Variants in LMTK2 observed in about 807,000 individuals in gnomAD.
LMTK2 encodes the protein serine/threonine-protein kinase LMTK2.
In LMTK2, 37 loss-of-function variants were observed where a neutral mutation model predicts 127.5. The ratio of observed to expected loss-of-function variants is 0.29; its 90% CI spans 0.22 to 0.38. The LOEUF (loss-of-function observed/expected upper bound fraction) is 0.38, where lower values mean the gene tolerates loss of function less well. Ranked by LOEUF, LMTK2 falls within the 10% of genes least tolerant of loss-of-function variation. The pLI is 1.00. For synonymous variants in LMTK2, 819 were observed against 810.1 expected (o/e 1.01, Z -0.19); for missense variants, 1,694 against 1,920.3 (o/e 0.88, Z 2.20).
At chr7:98,199,164 A>G (rs1486733669) in intron 11 of LMTK2, among the ~76,000 whole-genome samples, 1 of 152,138 alleles carries the variant, frequency 6.6e-6, no homozygotes, top group Non-Finnish European at 1.5e-5. Context: ...TATTCCATGT[A>G]TACCTGAAAG....
At chr7:98,108,101 A>G (rs1796144724) in intron 1 of LMTK2, among the ~76,000 whole-genome samples, 1 of 152,212 alleles carries the variant, frequency 6.6e-6, no homozygotes, top group South Asian at 2.1e-4. Flanking sequence ...TGAAATGGGG[A>G]AAGATTGAAA....
Position 98,193,417 on chromosome 7 carries a change from A to G in LMTK2, c.2952A>G (p.Ser984=), listed in dbSNP as rs1457630239. Residue 984 remains serine, a synonymous_variant, in exon 11 of 14, where the codon TCA becomes TCG. Transcript: ENST00000297293. This position sits in a 1 kb window ranked among gnomAD's most constrained non-coding sequence, Gnocchi z 4.1. ...ACAGCCTCCTGGAGGACAGCTTGTC[A>G]GCACCCTTCCCAGCCTCTGAGCCGT... ...SQDSLLEDSL[S]APFPASEPSL... is the part of the protein sequence containing the mutation. The G allele has an allele frequency of 6.2e-7, 1 of 1,614,022 alleles. No individual in the cohort carries two copies. Among genetic ancestry groups the G allele is most frequent in the African/African-American group, 1.3e-5 (1 of 74,912 alleles).
chr7:98,185,397 G>T (rs879892005), intron 8 of LMTK2, among the ~76,000 whole-genome samples: 5 of 151,990 alleles, frequency 3.3e-5, no homozygotes, highest in African/African-American at 1.2e-4. Flanking sequence ...GTAGTCTGAT[G>T]GTGCATAATA....
intron 3 of LMTK2, among the ~76,000 whole-genome samples, chr7:98,147,190 AG>A (rs1183503902): frequency 6.7e-6 from 1 of 149,296 alleles, no homozygotes; most frequent in Non-Finnish European, 1.5e-5. Context: ...GGTTTTCTAC[AG>A]TTTGTGTCTC....
At chr7:98,181,536 A>G (rs1797355372) in intron 7 of LMTK2, among the ~76,000 whole-genome samples, 1 of 152,252 alleles carries the variant, frequency 6.6e-6, no homozygotes, top group Non-Finnish European at 1.5e-5. Context: ...CTGATTTTAA[A>G]ACTTACTACA....
intron 6 of LMTK2, among the ~76,000 whole-genome samples, chr7:98,164,789 C>T (rs986841666): frequency 1.4e-4 from 22 of 152,074 alleles, no homozygotes; most frequent in African/African-American, 5.3e-4. Context: ...GACCAGGCTG[C>T]CAGCCGGGAG....
chr7:98,128,232 T>C (rs1241311199), intron 1 of LMTK2, among the ~76,000 whole-genome samples: 2 of 152,222 alleles, frequency 1.3e-5, no homozygotes, highest in Admixed American at 6.5e-5. Context: ...TACCCCTCCA[T>C]GTACCTCAAA....
intron 11 of LMTK2, among the ~76,000 whole-genome samples, chr7:98,201,262 C>G (rs1797700397): frequency 6.6e-6 from 1 of 152,132 alleles, no homozygotes; most frequent in South Asian, 2.1e-4. Context: ...TCATTCTTCT[C>G]CTAGAAGTAC....
At chr7:98,142,594 T>C (rs1356864387) in intron 3 of LMTK2, among the ~76,000 whole-genome samples, 1 of 152,218 alleles carries the variant, frequency 6.6e-6, no homozygotes, top group African/African-American at 2.4e-5. Flanking sequence ...TCCTTTATAC[T>C]TAAGAAAAAC....
At chr7:98,108,611 G>T (rs1188874280) in intron 1 of LMTK2, among the ~76,000 whole-genome samples, 1 of 152,158 alleles carries the variant, frequency 6.6e-6, no homozygotes, top group East Asian at 1.9e-4. Context: ...GTTATCAGAT[G>T]TGTATAGGCA....
At chr7:98,182,815 C>G (rs940117735) in intron 7 of LMTK2, among the ~76,000 whole-genome samples, 1 of 152,168 alleles carries the variant, frequency 6.6e-6, no homozygotes, top group African/African-American at 2.4e-5. Context: ...TTCACAATAG[C>G]TGAAATATGG....
At chr7:98,121,929 T>C (rs1452442960) in intron 1 of LMTK2, among the ~76,000 whole-genome samples, 1 of 151,906 alleles carries the variant, frequency 6.6e-6, no homozygotes, top group African/African-American at 2.4e-5. Context: ...CACTTGAGCC[T>C]GAGAGGTCTA....
chr7:98,184,856 T>G (rs963194616), intron 7 of LMTK2, among the ~76,000 whole-genome samples, 195 bp from the exon 8 acceptor site: 2 of 152,246 alleles, frequency 1.3e-5, no homozygotes, highest in Non-Finnish European at 2.9e-5. Flanking sequence ...AGTGTGATCA[T>G]CTTTATTATT....
At chr7:98,116,075 C>T (rs780321570) in intron 1 of LMTK2, among the ~76,000 whole-genome samples, 9 of 151,972 alleles carry the variant, frequency 5.9e-5, no homozygotes, top group Non-Finnish European at 1.2e-4. Context: ...TAGAGATGGT[C>T]TACAAAAGTA....
intron 5 of LMTK2, among the ~76,000 whole-genome samples, chr7:98,158,655 C>T (rs1385133604): frequency 6.6e-6 from 1 of 151,996 alleles, no homozygotes; most frequent in African/African-American, 2.4e-5. Context: ...TTTTACATAG[C>T]ATTTACATCG....
Position 98,193,604 on chromosome 7 carries a change from G to A in LMTK2, c.3139G>A (p.Ala1047Thr), listed in dbSNP as rs371543061. Reference protein sequence around the residue: ...LESPEWTLHPAPEGTADSEPA... With the variant: ...LESPEWTLHPTPEGTADSEPA... ...GTCTCCCGAGTGGACCTTGCATCCCGCTCCCGAGGGCACCGCAGACTCAGA... is the reference window on the plus strand; with the variant it reads ...GTCTCCCGAGTGGACCTTGCATCCCACTCCCGAGGGCACCGCAGACTCAGA... Residue 1047 changes from alanine (A) to threonine (T), a missense_variant, in exon 11 of 14, where the codon GCT becomes ACT. By Grantham distance (58) the Ala-to-Thr change is moderately conservative. Transcript: ENST00000297293. The surrounding 1 kb of genome is among the most constrained non-coding windows in gnomAD (Gnocchi z 4.1). The A allele has an allele frequency of 9.9e-6, 16 of 1,613,834 alleles. No individual in the cohort carries two copies. The highest frequency in any genetic ancestry group is 6.7e-5 in the African/African-American group (5 of 74,902).
chr7:98,107,509 C>T (rs1796130063), intron 1 of LMTK2, among the ~76,000 whole-genome samples: 1 of 152,228 alleles, frequency 6.6e-6, no homozygotes, highest in African/African-American at 2.4e-5. Flanking sequence ...GAGGTAGCAG[C>T]CACCGACCCC....
Position 98,205,570 on chromosome 7 carries a change from A to AC in LMTK2, c.*79dup. The stretch of plus-strand genomic sequence containing the variant: ...CCCTGCGCCCTCAGCCCGAGCAGCG[A>AC]CATCCACTCGCCATTTGCTGACATG... On this transcript the variant is annotated 3_prime_UTR_variant, in exon 14 of 14. Coordinates refer to ENST00000297293, the MANE Select transcript of LMTK2 (RefSeq NM_014916.4). 6.9e-7 allele frequency: 1 copy of AC among 1,452,284 alleles called. No individual in the cohort carries two copies. Among genetic ancestry groups the AC allele is most frequent in the Non-Finnish European group, 9.5e-7 (1 of 1,048,584 alleles). The allele number at this position is 1,452,284 out of a possible 1,614,324, so 90.0% of individuals were successfully genotyped here. A position where few individuals can be genotyped will look rare whatever the true frequency, so the allele number is the denominator to read the frequency against.
At chr7:98,155,599 C>T (rs1282157174) in intron 5 of LMTK2, among the ~76,000 whole-genome samples, 1 of 151,160 alleles carries the variant, frequency 6.6e-6, no homozygotes, top group African/African-American at 2.5e-5. Context: ...CAGCCGATTT[C>T]TCATCAGAAA....
Sources: allele counts gnomAD v4.1 joint callset (sites outside exome capture counted in the v4.1 genomes callset), GRCh38; gene constraint gnomAD v4.1.1; non-coding constraint Gnocchi (gnomAD v3.1); transcripts MANE v1.5; gene names NCBI Gene and HGNC (gene_info 2026-07-23, HGNC 2026-07-21).